The following SNX24 variants were observed in gnomAD, a reference collection of about 807,000 sequenced individuals.
SNX24 encodes sorting nexin 24, also known as sorting nexin-24.
SNX24 carries 22 observed loss-of-function variants against 28.7 expected under a neutral mutation model. The observed-to-expected ratio is 0.77, with a 90% CI of 0.55 to 1.10. SNX24 has a LOEUF of 1.10. Among genes scored for constraint, SNX24 ranks in the 50% least tolerant of loss-of-function variants. The probability of loss-of-function intolerance (pLI) is 0.00; values close to 1 mark genes in which losing one functional copy is unlikely to be tolerated. For synonymous variants in SNX24, 69 were observed against 71.5 expected, an observed-to-expected ratio of 0.96 and a Z score of 0.18; for missense variants, 221 against 201.1, an observed-to-expected ratio of 1.10 and a Z score of -0.60.
intron 3 of SNX24, among the ~76,000 whole-genome samples, chr5:122,992,832 A>G (rs747435162): frequency 1.8e-4 from 28 of 152,200 alleles, no homozygotes; most frequent in Non-Finnish European, 3.5e-4. Context: ...AAATACTTCT[A>G]TATGATTGGA....
chr5:123,004,176 A>C (rs1000261201), intron 6 of SNX24, among the ~76,000 whole-genome samples: 2 of 152,206 alleles, frequency 1.3e-5, no homozygotes, highest in Non-Finnish European at 2.9e-5. Context: ...ACATTTAAGC[A>C]TTATCCTCTT....
In SNX24 at chr5:122,938,581, G is replaced by C. The variant is rs974268912; in HGVS notation, c.144+1764G>C. On this transcript the variant is annotated intron_variant, in intron 2 of 6. Transcript: ENST00000261369. ...TTTATGTATTATCAAGGGGATAGCA[G>C]CTGCTAGAAGTCTCCTTTACTTGCC... is the stretch of plus-strand genomic sequence containing the variant. Among the ~76,000 whole-genome samples the C allele has an allele frequency of 3.3e-5, 5 of 152,324 alleles. No homozygotes were observed. In the South Asian group the frequency reaches 1.0e-3, roughly 32 times the overall value.
At chr5:122,998,655 C>T (rs1478712273) in intron 3 of SNX24, among the ~76,000 whole-genome samples, 1 of 152,068 alleles carries the variant, frequency 6.6e-6, no homozygotes, top group African/African-American at 2.4e-5. Context: ...AGAGGGCAGC[C>T]TAGGAGGACT....
chr5:122,996,920 A>G (rs1259270240), intron 3 of SNX24, among the ~76,000 whole-genome samples: 1 of 152,218 alleles, frequency 6.6e-6, no homozygotes, highest in Non-Finnish European at 1.5e-5. Flanking sequence ...CATTTATTCT[A>G]TAGGATGACC....
chr5:123,006,421 A>G (rs778450753), intron 6 of SNX24, among the ~76,000 whole-genome samples: 2 of 151,752 alleles, frequency 1.3e-5, no homozygotes, highest in African/African-American at 2.4e-5. Flanking sequence ...TCCATCCTCA[A>G]CCTCGTTTGG....
chr5:122,969,053 C>G (rs1214722648), intron 3 of SNX24, among the ~76,000 whole-genome samples: 2 of 152,018 alleles, frequency 1.3e-5, no homozygotes. Context: ...CTGTTCCATC[C>G]TGAATGGAAC....
At chr5:122,846,340 C>A (rs1307309772) in intron 1 of SNX24, among the ~76,000 whole-genome samples, 1 of 151,576 alleles carries the variant, frequency 6.6e-6, no homozygotes. Flanking sequence ...GGGCATGGGC[C>A]CTTTGAGCAA....
At chr5:122,854,305 G>A (rs552287587) in intron 1 of SNX24, among the ~76,000 whole-genome samples, 5 of 152,118 alleles carry the variant, frequency 3.3e-5, no homozygotes, top group African/African-American at 7.2e-5. Flanking sequence ...TCAGGAGATC[G>A]AGACCATCCT....
At chr5:122,986,402 A>G (rs1281890696) in intron 3 of SNX24, among the ~76,000 whole-genome samples, 1 of 152,182 alleles carries the variant, frequency 6.6e-6, no homozygotes, top group Non-Finnish European at 1.5e-5. Context: ...AAAAGTCCCA[A>G]CATTTTGAGT....
chr5:122,974,909 T>A (rs1761107400), intron 3 of SNX24, among the ~76,000 whole-genome samples: 1 of 152,206 alleles, frequency 6.6e-6, no homozygotes, highest in Non-Finnish European at 1.5e-5. Flanking sequence ...CTGCTAATCA[T>A]GTCTATACCA....
chr5:122,959,976 G>A (rs1372729469), intron 3 of SNX24, among the ~76,000 whole-genome samples: 1 of 152,066 alleles, frequency 6.6e-6, no homozygotes, highest in Non-Finnish European at 1.5e-5. Context: ...CACCCCTGTT[G>A]TTTAAGAAAA....
chr5:122,890,263 GT>G (rs918992775), intron 1 of SNX24, among the ~76,000 whole-genome samples: 2 of 151,696 alleles, frequency 1.3e-5, no homozygotes, highest in Admixed American at 6.6e-5. Flanking sequence ...GTCTATGATG[GT>G]TTTTTTTCCT....
chr5:122,903,603 C>T (rs1034053547), intron 1 of SNX24, among the ~76,000 whole-genome samples: 2 of 152,102 alleles, frequency 1.3e-5, no homozygotes, highest in African/African-American at 2.4e-5. Context: ...ATCTTTGTTG[C>T]GTGAATGAAG....
chr5:123,011,957 C>A (rs1762587825), downstream of SNX24, among the ~76,000 whole-genome samples: 1 of 152,130 alleles, frequency 6.6e-6, no homozygotes. Context: ...GTCAGAGGGA[C>A]CTGCCAGGAG....
At chr5:122,956,367 TACACACACAC>T (rs9327282) in intron 3 of SNX24, among the ~76,000 whole-genome samples, 6,664 of 147,214 alleles carry the variant, frequency 0.045, 301 homozygotes, top group African/African-American at 0.093. Flanking sequence ...AAAAAATATA[TACACACACAC>T]ACACACACAC....
chr5:122,924,882 T>C (rs546686201), intron 1 of SNX24, among the ~76,000 whole-genome samples: 2 of 152,104 alleles, frequency 1.3e-5, no homozygotes, highest in Non-Finnish European at 2.9e-5. Context: ...TTCTACCATA[T>C]CATGTAGCTT....
At chr5:122,975,455 G>A (rs983556703) in intron 3 of SNX24, among the ~76,000 whole-genome samples, 7 of 151,370 alleles carry the variant, frequency 4.6e-5, no homozygotes, top group African/African-American at 1.5e-4. Flanking sequence ...GTATTTCATT[G>A]TATTATATTC....
At chr5:122,982,853 T>C (rs1231117855) in intron 3 of SNX24, among the ~76,000 whole-genome samples, 1 of 152,222 alleles carries the variant, frequency 6.6e-6, no homozygotes, top group Non-Finnish European at 1.5e-5. Context: ...GATTTTCTTG[T>C]ATTATCTATA....
intron 1 of SNX24, among the ~76,000 whole-genome samples, chr5:122,896,365 T>G (rs1757202437): frequency 6.6e-6 from 1 of 152,198 alleles, no homozygotes; most frequent in Non-Finnish European, 1.5e-5. Flanking sequence ...TATCCTCTTC[T>G]TAAGGTAATT....
Sources: gnomAD v4.1 joint callset for allele counts (sites outside exome capture counted in the v4.1 genomes callset) on GRCh38, gnomAD v4.1.1 for gene constraint, MANE v1.5 for transcripts, NCBI Gene and HGNC (gene_info 2026-07-23, HGNC 2026-07-21) for gene names.